The following ARHGAP4 variants were observed in gnomAD, a reference collection of about 807,000 sequenced individuals.
ARHGAP4 encodes the protein Rho GTPase activating protein 4.
In ARHGAP4, 25 loss-of-function variants were observed where a neutral mutation model predicts 67.6. That is an observed-to-expected ratio of 0.37 (90% confidence interval 0.27 to 0.52). The LOEUF (loss-of-function observed/expected upper bound fraction) is 0.52. Ranked by LOEUF, ARHGAP4 falls within the 20% of genes least tolerant of loss-of-function variation. The pLI, the probability that ARHGAP4 is intolerant of heterozygous loss-of-function variation, is 0.92. For synonymous variants in ARHGAP4, 448 were observed against 373.7 expected, an observed-to-expected ratio of 1.20 and a Z score of -2.29; for missense variants, 804 against 854.6, an observed-to-expected ratio of 0.94 and a Z score of 0.74.
intron 1 of ARHGAP4, among the ~76,000 whole-genome samples, chrX:153,925,914 A>C (rs1172728397): frequency 8.8e-6 from 1 of 113,039 alleles, no homozygotes; most frequent in Non-Finnish European, 1.9e-5. Context: ...GACAGAGACC[A>C]AAGGAAGGAA....
intron 20 of ARHGAP4, 73 bp from the exon 21 acceptor site, chrX:153,909,242 T>C (rs1283403594): frequency 1.7e-5 from 17 of 1,008,666 alleles, no homozygotes; most frequent in Non-Finnish European, 2.1e-5. Flanking sequence ...GCTCCTCCCA[T>C]CCTGGGGTGT....
intron 11 of ARHGAP4, 100 bp from the exon 12 acceptor site, chrX:153,912,902 T>G: frequency 8.9e-7 from 1 of 1,118,639 alleles, no homozygotes; most frequent in Non-Finnish European, 1.2e-6. Flanking sequence ...TCTGAAGTTA[T>G]TCCACAATCC....
At chrX:153,921,250 G>A (rs189558725) in intron 3 of ARHGAP4, 91 bp from the exon 4 acceptor site, 3 of 1,176,201 alleles carry the variant, frequency 2.6e-6, no homozygotes, top group East Asian at 3.1e-5. Context: ...CCATCGGGGG[G>A]GCACACAGGT....
In ARHGAP4 at chrX:153,914,003, C is replaced by T. The variant is rs1222525552; in HGVS notation, c.1033-124G>A. On this transcript the variant is annotated intron_variant, in intron 7 of 21. Coordinates refer to ENST00000350060, the MANE Select transcript of ARHGAP4 (RefSeq NM_001666.5). ...GCGGCCGGGCACAGGACCACCAGCC[C>T]AGACGCTCAGCTGAAGAATGGCAGG... 5.4e-6 allele frequency: 3 copies of T among 553,037 alleles called. No homozygotes were observed. The East Asian group carries it at 1.1e-4, about 20-fold the overall frequency. 45.6% of individuals were successfully genotyped at this position (553,037 alleles called of 1,213,427 possible).
At chrX:153,908,204 C>G (rs1359462429) in intron 21 of ARHGAP4, among the ~76,000 whole-genome samples, 2 of 111,933 alleles carry the variant, frequency 1.8e-5, no homozygotes, top group East Asian at 5.6e-4. Context: ...GGGGACCCCC[C>G]TCTTCTCGCC....
chrX:153,911,095 G>A, intron 13 of ARHGAP4, 34 bp downstream of exon 13: 1 of 1,166,474 alleles, frequency 8.6e-7, no homozygotes, highest in Non-Finnish European at 1.1e-6. Flanking sequence ...GGTGCTGGGT[G>A]CCAGGACATC....
intron 3 of ARHGAP4, 55 bp from the exon 4 acceptor site, chrX:153,921,214 A>G (rs1569546061): frequency 1.7e-6 from 2 of 1,179,145 alleles, no homozygotes; most frequent in Non-Finnish European, 2.3e-6. Flanking sequence ...CCCGCCAGGC[A>G]CTGGAAGCTC....
rs782566201 is a variant in ARHGAP4, at chrX:153,913,443, C to T, written c.1292G>A (p.Gly431Asp). 4 of 1,209,857 alleles carry T rather than the reference C, an allele frequency of 3.3e-6. No homozygotes were observed. The highest frequency in any genetic ancestry group is 4.5e-6 in the Non-Finnish European group (4 of 894,991). ...PGSRQAGRRR[G>D]QQQETETFYL... is the part of the protein sequence containing the mutation. ...GAAGGTTTCGGTCTCCTGCTGCTGG[C>T]CGCGCCTCCGGCCCGCCTGCCGGCT... Residue 431 changes from glycine (G) to aspartate (D), a missense_variant, in exon 9 of 22, where the codon GGC (glycine) becomes GAC (aspartate). Transcript: ENST00000350060.
chrX:153,913,073 G>A, intron 10 of ARHGAP4, 22 bp from the exon 11 acceptor site: 1 of 1,186,642 alleles, frequency 8.4e-7, no homozygotes, highest in Non-Finnish European at 1.1e-6. Flanking sequence ...GAGAACATTG[G>A]TCTGCCTCTC....
At chrX:153,919,789 T>TTAA (rs1557104881) in intron 5 of ARHGAP4, 70 of 850,642 alleles carry the variant, frequency 8.2e-5, no homozygotes, top group South Asian at 2.9e-4. Context: ...CTATTTTTTT[T>TTAA]TTATTTTTTT....
rs782275849 is a variant in ARHGAP4 at position 153,926,231 on chromosome X, C to G, written c.-29G>C. 1.1e-5 allele frequency: 13 copies of G among 1,140,864 alleles called. No homozygotes were observed. Among genetic ancestry groups the G allele is most frequent in the Non-Finnish European group, 1.4e-5 (12 of 860,742 alleles). 94.0% of individuals were successfully genotyped at this position (1,140,864 alleles called of 1,213,427 possible). The stretch of plus-strand genomic sequence containing the variant: ...GGCCTCGCGGCCGCGCCGTCGAACC[C>G]CACTGCTCCCACGCGGCCGTGAGCG... On this transcript the variant is annotated 5_prime_UTR_variant, in exon 1 of 22. Coordinates refer to ENST00000350060, the MANE Select transcript of ARHGAP4 (RefSeq NM_001666.5).
intron 8 of ARHGAP4, 88 bp from the exon 9 acceptor site, chrX:153,913,688 AG>A: frequency 1.7e-6 from 2 of 1,160,350 alleles, no homozygotes; most frequent in Non-Finnish European, 1.2e-6. Context: ...GGCCAAAGGG[AG>A]GGGGGCAGGC....
chrX:153,920,566 C>T, intron 5 of ARHGAP4, 60 bp downstream of exon 5: 1 of 1,109,636 alleles, frequency 9.0e-7, no homozygotes. Flanking sequence ...CTCAGCACAG[C>T]AGGTCCTAGT....
At position 153,913,836 on chromosome X, in the gene ARHGAP4, A is replaced by G; in HGVS notation, c.1076T>C (p.Leu359Pro). 1 of 1,212,334 alleles carries G rather than the reference A, an allele frequency of 8.2e-7. No homozygotes were observed. Among genetic ancestry groups the G allele is most frequent in the Non-Finnish European group, 1.1e-6 (1 of 895,635 alleles). The change falls in exon 8 of 22, where the codon CTG becomes CCG. Residue 359 changes from leucine to proline, a missense_variant. Around this residue, in one of 2 missense-constraint regions of ARHGAP4, gnomAD observed 404 missense variants for 505.9 expected, o/e 0.80. Transcript: ENST00000350060. ...GCTCTGGATGTTCTGGGCTCTGGGC[A>G]GAATCTCGTCCCGCAGCTCCATTTC... is the stretch of plus-strand genomic sequence containing the variant. ...CVEMELRDEI[L>P]PRAQNIQSRL...
At chrX:153,918,320 G>A (rs1469863786) in intron 7 of ARHGAP4, among the ~76,000 whole-genome samples, 1 of 109,817 alleles carries the variant, frequency 9.1e-6, no homozygotes, top group Non-Finnish European at 1.9e-5. Context: ...GGCTGTTTCT[G>A]GGGGTGGGAG....
intron 1 of ARHGAP4, among the ~76,000 whole-genome samples, chrX:153,924,599 A>C (rs367859377): frequency 2.9e-4 from 32 of 111,894 alleles, no homozygotes; most frequent in African/African-American, 9.1e-4. Context: ...CGCCATTTGA[A>C]ATCAGGGGAG....
At position 153,910,754 on chromosome X, in the gene ARHGAP4, G is replaced by A. The variant is rs74331897; in HGVS notation, c.1762C>T (p.Leu588=). 8.4e-7 allele frequency: 1 copy of A among 1,192,532 alleles called. No individual in the cohort carries two copies. The highest frequency in any genetic ancestry group is 1.1e-6 in the Non-Finnish European group (1 of 885,861). ...AGVLKLYFRS[L]EPPLFPPDLF... is the part of the protein sequence containing the mutation. ...TCTGGGGGGAAGAGTGGGGGCTCCA[G>A]GCTCCGGAAGTAGAGCTTCAGCACC... Residue 588 remains leucine (L), a synonymous_variant, in exon 15 of 22, where the codon CTG becomes TTG. Coordinates refer to ENST00000350060, the MANE Select transcript of ARHGAP4 (RefSeq NM_001666.5).
At chrX:153,915,254 G>A (rs963850113) in intron 7 of ARHGAP4, among the ~76,000 whole-genome samples, 8 of 111,573 alleles carry the variant, frequency 7.2e-5, no homozygotes, top group Admixed American at 3.8e-4. Context: ...GGGGTTGAAC[G>A]GGGCCAGAGC....
At position 153,909,841 on chromosome X, in the gene ARHGAP4, C is replaced by T. The variant is rs2070099; in HGVS notation, c.2314G>A (p.Val772Ile). The stretch of plus-strand genomic sequence containing the variant: ...GAGGCCCTCTCGTGCAGCCGCAGTA[C>T]GTCCCCCCGCCGGAAGCTCAGCTCC... ...AQELSFRRGD[V>I]LRLHERASSD... Residue 772 changes from valine (V) to isoleucine (I), a missense_variant, in exon 19 of 22, where the codon GTA becomes ATA. This residue lies in a region of ARHGAP4 where 400 missense variants were observed against 348.7 expected (regional missense o/e 1.15). Coordinates refer to ENST00000350060, the MANE Select transcript of ARHGAP4 (RefSeq NM_001666.5). 4.2e-5 allele frequency: 50 copies of T among 1,199,585 alleles called. No individual in the cohort carries two copies. Among genetic ancestry groups the T allele is most frequent in the South Asian group, 5.4e-5 (3 of 55,479 alleles).
Sources: gnomAD v4.1 joint callset for allele counts (sites outside exome capture counted in the v4.1 genomes callset) on GRCh38, gnomAD v4.1.1 for gene constraint, gnomAD v4.1.1 regional missense constraint, MANE v1.5 for transcripts, NCBI Gene and HGNC (gene_info 2026-07-23, HGNC 2026-07-21) for gene names.